Variants in LPCAT1 observed in about 807,000 individuals in gnomAD.
LPCAT1 encodes the protein 1-acylglycerol-3-phosphate O-acyltransferase.
Under a neutral mutation model 60.9 loss-of-function variants are expected in LPCAT1, and 23 were observed. The ratio of observed to expected loss-of-function variants is 0.38; its 90% CI spans 0.27 to 0.53. LPCAT1 has a LOEUF of 0.53. LPCAT1 is among the 20% of genes least tolerant of loss of function. The pLI, the probability that LPCAT1 is intolerant of heterozygous loss-of-function variation, is 0.82. For synonymous variants in LPCAT1, 340 were observed against 301.1 expected (o/e 1.13, Z -1.34); for missense variants, 622 against 723.6 (o/e 0.86, Z 1.61).
At chr5:1,504,892 C>T (rs137924710) in intron 1 of LPCAT1, among the ~76,000 whole-genome samples, 1 of 152,370 alleles carries the variant, frequency 6.6e-6, no homozygotes, top group Non-Finnish European at 1.5e-5. Flanking sequence ...CCTCTGCCCA[C>T]AGCCTGCTTC....
chr5:1,473,126 G>A (rs1041847965), intron 11 of LPCAT1, among the ~76,000 whole-genome samples: 1 of 152,018 alleles, frequency 6.6e-6, no homozygotes, highest in East Asian at 1.9e-4. Flanking sequence ...GGCCAGAGAG[G>A]CCTCCTGCCA....
At chr5:1,501,889 A>G (rs1736028005) in intron 1 of LPCAT1, among the ~76,000 whole-genome samples, 1 of 151,722 alleles carries the variant, frequency 6.6e-6, no homozygotes, top group South Asian at 2.1e-4. Context: ...ATTGACCGGC[A>G]CTGACCAAGG....
chr5:1,494,400 T>C (rs980102601), intron 3 of LPCAT1, among the ~76,000 whole-genome samples: 7 of 149,678 alleles, frequency 4.7e-5, no homozygotes, highest in African/African-American at 1.7e-4. Context: ...GCTCGATCAC[T>C]CCCAGCAGCG....
intron 1 of LPCAT1, among the ~76,000 whole-genome samples, chr5:1,507,641 G>A (rs1736228314): frequency 1.3e-5 from 2 of 152,222 alleles, no homozygotes; most frequent in Admixed American, 6.5e-5. Context: ...GAGCGCTCAC[G>A]CCTGCAGTCC....
intron 9 of LPCAT1, 131 bp from the exon 10 acceptor site, chr5:1,474,816 G>A: frequency 1.7e-6 from 2 of 1,198,868 alleles, no homozygotes; most frequent in Non-Finnish European, 2.3e-6. Flanking sequence ...GGAAGGGCCA[G>A]TTGGTGGGGC....
chr5:1,489,503 C>A (rs556295142), intron 4 of LPCAT1, among the ~76,000 whole-genome samples: 49 of 152,354 alleles, frequency 3.2e-4, no homozygotes, highest in African/African-American at 1.0e-3. Flanking sequence ...GAACTTAGTT[C>A]AGAAAAGATG....
rs1190113935 is a variant in LPCAT1, at chr5:1,496,616, A to T, written c.279-1702T>A. Among the ~76,000 whole-genome samples, 2 of 152,136 alleles carry T rather than the reference A, an allele frequency of 1.3e-5. No homozygotes were observed. Among genetic ancestry groups the T allele is most frequent in the Non-Finnish European group, 2.9e-5 (2 of 68,004 alleles). ...GGATTAAAACCCGGGCGGCCCTTAGAGGAACACACCTGCCAGCCCCGAAAT... is the reference window on the plus strand; with the variant it reads ...GGATTAAAACCCGGGCGGCCCTTAGTGGAACACACCTGCCAGCCCCGAAAT... On this transcript the variant is annotated intron_variant, in intron 2 of 13. Transcript: ENST00000283415. This position sits in a 1 kb window ranked among gnomAD's most constrained non-coding sequence, Gnocchi z 4.7.
intron 1 of LPCAT1, among the ~76,000 whole-genome samples, chr5:1,512,168 A>G (rs747054706): frequency 5.9e-5 from 9 of 152,314 alleles, no homozygotes; most frequent in Non-Finnish European, 1.0e-4. Context: ...TGGCAGGCAC[A>G]GTAGTCTGAG....
intron 9 of LPCAT1, 141 bp from the exon 10 acceptor site, chr5:1,474,826 CAGTCA>C: frequency 9.1e-7 from 1 of 1,098,822 alleles, no homozygotes; most frequent in Non-Finnish European, 1.3e-6. Flanking sequence ...GTTGGTGGGG[CAGTCA>C]CACATTCATC....
At position 1,474,938 on chromosome 5, in the gene LPCAT1, G is replaced by A. The variant is rs571057972; in HGVS notation, c.900-253C>T. ...GCCATCACGTGAGAATCGTGAAAAA[G>A]TTTGAAACAGCGTGAGAATTACCAA... On this transcript the variant is annotated intron_variant, in intron 9 of 13. Transcript: ENST00000283415. Among the ~76,000 whole-genome samples the A allele has an allele frequency of 1.8e-4, 27 of 152,374 alleles. No homozygotes were observed. The South Asian group carries it at 5.6e-3, about 32-fold the overall frequency.
At chr5:1,466,165 G>A (rs533239693) in intron 13 of LPCAT1, among the ~76,000 whole-genome samples, 45 of 152,368 alleles carry the variant, frequency 3.0e-4, no homozygotes, top group Middle Eastern at 6.8e-3. Context: ...AGGCGCCCCG[G>A]GCTCGGGTTT....
chr5:1,507,892 A>G (rs979736510), intron 1 of LPCAT1, among the ~76,000 whole-genome samples: 2 of 152,226 alleles, frequency 1.3e-5, no homozygotes, highest in Admixed American at 1.3e-4. Flanking sequence ...GAAAATGCAG[A>G]GAACTCCACA....
rs1734112107 is a variant in LPCAT1 at position 1,461,897 on chromosome 5, T to G, written c.*1754A>C. 6.6e-6 allele frequency: 1 copy of G among 152,608 alleles called. No individual in the cohort carries two copies. The highest frequency in any genetic ancestry group is 1.5e-5 in the Non-Finnish European group (1 of 68,042). 9.5% of individuals were successfully genotyped at this position (152,608 alleles called of 1,614,324 possible). On this transcript the variant is annotated 3_prime_UTR_variant, in exon 14 of 14. Transcript: ENST00000283415. ...TTGAAAAATGAATCTTTACGCATTC[T>G]CCAATTATAAAATCAGTGACTGTTA...
chr5:1,507,981 C>G (rs540499979), intron 1 of LPCAT1, among the ~76,000 whole-genome samples: 2 of 152,240 alleles, frequency 1.3e-5, no homozygotes, highest in African/African-American at 2.4e-5. Context: ...CTGATCCACA[C>G]GCACCAGAGG....
intron 8 of LPCAT1, among the ~76,000 whole-genome samples, chr5:1,478,335 T>C (rs944694568): frequency 1.3e-5 from 2 of 152,268 alleles, no homozygotes; most frequent in African/African-American, 4.8e-5. Flanking sequence ...CTGTTATTTC[T>C]AAAACTTCCG....
intron 1 of LPCAT1, among the ~76,000 whole-genome samples, chr5:1,518,404 G>A (rs530812114): frequency 1.3e-5 from 2 of 152,286 alleles, no homozygotes; most frequent in South Asian, 4.1e-4. Flanking sequence ...GCAGTGGTGC[G>A]ATCTCCGCTC....
chr5:1,488,382 A>G lies in LPCAT1; in HGVS notation c.667+9T>C. ...AGGAGAAAAATAAACATTTAAGAAA[A>G]CTACATACCAGGTTTGAAGGTAATT... On this transcript the variant is annotated intron_variant, in intron 5 of 13. Coordinates refer to ENST00000283415, the MANE Select transcript of LPCAT1 (RefSeq NM_024830.5). 6.5e-7 allele frequency: 1 copy of G among 1,543,322 alleles called. No individual in the cohort carries two copies. The highest frequency in any genetic ancestry group is 8.8e-7 in the Non-Finnish European group (1 of 1,137,496).
intron 13 of LPCAT1, among the ~76,000 whole-genome samples, chr5:1,464,598 C>T (rs545796872): frequency 1.4e-3 from 217 of 151,980 alleles, no homozygotes; most frequent in African/African-American, 4.8e-3. Flanking sequence ...CACACATGTG[C>T]GCACACACAC....
intron 1 of LPCAT1, among the ~76,000 whole-genome samples, chr5:1,520,782 G>A (rs1249092873): frequency 1.4e-5 from 2 of 147,626 alleles, no homozygotes. Flanking sequence ...AGAATGGCGT[G>A]AACCCGGGAA....
Sources: allele counts gnomAD v4.1 joint callset (sites outside exome capture counted in the v4.1 genomes callset), GRCh38; gene constraint gnomAD v4.1.1; non-coding constraint Gnocchi (gnomAD v3.1); transcripts MANE v1.5; gene names NCBI Gene and HGNC (gene_info 2026-07-23, HGNC 2026-07-21).